The following LGR6 variants were observed in gnomAD, a reference collection of about 807,000 sequenced individuals.
LGR6 encodes the protein leucine-rich repeat-containing G protein-coupled receptor 6.
A neutral mutation model predicts 69.4 loss-of-function variants in LGR6; 45 were observed. The ratio of observed to expected loss-of-function variants is 0.65; its 90% confidence interval spans 0.51 to 0.83. LGR6 has a LOEUF of 0.83. Among genes scored for constraint, LGR6 ranks in the 40% least tolerant of loss-of-function variants. The pLI, the probability that LGR6 is intolerant of heterozygous loss-of-function variation, is 0.00. For missense variants in LGR6, 1,108 were observed against 1,246.7 expected, an observed-to-expected ratio of 0.89 and a Z score of 1.68; for synonymous variants, 538 against 555.0, an observed-to-expected ratio of 0.97 and a Z score of 0.43.
intron 4 of LGR6, among the ~76,000 whole-genome samples, chr1:202,248,827 C>T (rs1413161503): frequency 6.6e-6 from 1 of 152,160 alleles, no homozygotes; most frequent in African/African-American, 2.4e-5. Flanking sequence ...CAGAAGGTGT[C>T]CTGCCTTTAT....
Position 202,319,101 on chromosome 1 carries a change from A to G in LGR6, c.2798A>G (p.Asp933Gly), listed in dbSNP as rs771610096. The G allele has an allele frequency of 1.2e-6, 2 of 1,614,178 alleles. No homozygotes were observed. Among genetic ancestry groups the G allele is most frequent in the Non-Finnish European group, 8.5e-7 (1 of 1,180,004 alleles). The change falls in exon 18 of 18, where the codon GAT becomes GGT. Residue 933 changes from aspartate (D) to glycine (G), a missense_variant. Physicochemically the swap from Asp to Gly is moderately conservative, Grantham distance 94. Coordinates refer to ENST00000367278, the MANE Select transcript of LGR6 (RefSeq NM_001017403.2). ...NHFGNPQPSM[D>G]GELLLRAEGS... ...TTTGGGAACCCCCAACCCTCCATGGATGGAGAACTGCTGCTGAGGGCAGAG... is the reference window on the plus strand; with the variant it reads ...TTTGGGAACCCCCAACCCTCCATGGGTGGAGAACTGCTGCTGAGGGCAGAG...
chr1:202,239,818 T>G (rs1406453025), intron 4 of LGR6, among the ~76,000 whole-genome samples: 1 of 152,216 alleles, frequency 6.6e-6, no homozygotes, highest in Non-Finnish European at 1.5e-5. Context: ...ACTTACCCTC[T>G]GCGTTTCCAT....
chr1:202,236,016 T>A, intron 4 of LGR6, 23 bp downstream of exon 4: 1 of 1,606,082 alleles, frequency 6.2e-7, no homozygotes, highest in Non-Finnish European at 8.5e-7. Context: ...AGGGCTGGTC[T>A]GGGAGTCACC....
intron 6 of LGR6, among the ~76,000 whole-genome samples, chr1:202,283,960 C>T (rs531823664): frequency 1.3e-5 from 2 of 152,378 alleles, no homozygotes; most frequent in African/African-American, 4.8e-5. Flanking sequence ...TCACTTCCTT[C>T]ATCTGCACAA....
At chr1:202,277,574 C>T (rs1194048562) in intron 5 of LGR6, among the ~76,000 whole-genome samples, 1 of 152,052 alleles carries the variant, frequency 6.6e-6, no homozygotes, top group Non-Finnish European at 1.5e-5. Flanking sequence ...GATAAGATTA[C>T]TGGAGAAATA....
chr1:202,196,036 C>A (rs561186798), intron 1 of LGR6, among the ~76,000 whole-genome samples: 1 of 152,226 alleles, frequency 6.6e-6, no homozygotes, highest in South Asian at 2.1e-4. Flanking sequence ...CTGTGTCTTC[C>A]TGGGGATTGA....
intron 4 of LGR6, among the ~76,000 whole-genome samples, chr1:202,247,652 G>A (rs1220733515): frequency 6.6e-6 from 1 of 152,170 alleles, no homozygotes; most frequent in Non-Finnish European, 1.5e-5. Flanking sequence ...TAGACTTTGG[G>A]AAGAACATCC....
At chr1:202,270,006 A>C (rs1664960617) in intron 4 of LGR6, among the ~76,000 whole-genome samples, 1 of 152,170 alleles carries the variant, frequency 6.6e-6, no homozygotes, top group South Asian at 2.1e-4. Context: ...TATTTGACTA[A>C]GATCTGGTAG....
At chr1:202,205,633 C>T (rs1158237182) in intron 1 of LGR6, among the ~76,000 whole-genome samples, 1 of 142,046 alleles carries the variant, frequency 7.0e-6, no homozygotes, top group Non-Finnish European at 1.5e-5. Flanking sequence ...ACACATACAC[C>T]TCCTTCAAAC....
chr1:202,301,918 C>G (rs12727085), intron 9 of LGR6, among the ~76,000 whole-genome samples: 1 of 152,164 alleles, frequency 6.6e-6, no homozygotes, highest in Non-Finnish European at 1.5e-5. Context: ...ACTCAGGAGA[C>G]TGAGGCAGAG....
At chr1:202,282,045 C>T (rs1042861527) in intron 6 of LGR6, among the ~76,000 whole-genome samples, 1 of 152,210 alleles carries the variant, frequency 6.6e-6, no homozygotes, top group Non-Finnish European at 1.5e-5. Flanking sequence ...AGAAGTGTGG[C>T]TGCTTTCTTG....
intron 8 of LGR6, 60 bp from the exon 9 acceptor site, chr1:202,301,104 C>T: frequency 6.6e-7 from 1 of 1,517,596 alleles, no homozygotes; most frequent in South Asian, 1.1e-5. Context: ...AGAGATTGGC[C>T]TTAATCCCAG....
intron 8 of LGR6, 110 bp from the exon 9 acceptor site, chr1:202,301,054 C>A: frequency 7.5e-7 from 1 of 1,331,858 alleles, no homozygotes; most frequent in Non-Finnish European, 1.1e-6. Context: ...CCTTTCCCTG[C>A]ATGTTCTTTC....
intron 6 of LGR6, among the ~76,000 whole-genome samples, chr1:202,289,781 T>G (rs1666659283): frequency 6.6e-6 from 1 of 152,198 alleles, no homozygotes; most frequent in South Asian, 2.1e-4. Context: ...AATTAAGACA[T>G]GTATTCATTG....
At chr1:202,293,445 C>T (rs1666934309) in intron 6 of LGR6, among the ~76,000 whole-genome samples, 1 of 152,138 alleles carries the variant, frequency 6.6e-6, no homozygotes. Context: ...GTGTGCTCTC[C>T]ACAGTCATGT....
At chr1:202,307,195 T>C in intron 13 of LGR6, 135 bp from the exon 14 acceptor site, 1 of 856,172 alleles carries the variant, frequency 1.2e-6, no homozygotes, top group South Asian at 1.6e-5. Context: ...CAGCAGCAGG[T>C]ACCTTCCCCA....
intron 4 of LGR6, among the ~76,000 whole-genome samples, chr1:202,239,727 G>A (rs747523218): frequency 2.0e-5 from 3 of 152,138 alleles, no homozygotes; most frequent in Non-Finnish European, 2.9e-5. Flanking sequence ...ATGCCAGTGA[G>A]ACTCTGGAGT....
Position 202,207,189 on chromosome 1 carries a change from T to A in LGR6, c.212+12988T>A, listed in dbSNP as rs559870967. Among the ~76,000 whole-genome samples, 558 of 152,272 alleles carry A rather than the reference T, an allele frequency of 3.7e-3. 5 individuals carry two copies. The highest frequency in any genetic ancestry group is 0.012 in the African/African-American group (513 of 41,554). Reference sequence around the variant, plus strand: ...ACCTTGACCTCCCAAAGTGCTGGGATTACAGGTGTGAGCCACTGTGCCCGG... The same window carrying A: ...ACCTTGACCTCCCAAAGTGCTGGGAATACAGGTGTGAGCCACTGTGCCCGG... On this transcript the variant is annotated intron_variant, in intron 1 of 17. Transcript: ENST00000367278.
At chr1:202,282,003 C>T (rs777472800) in intron 6 of LGR6, among the ~76,000 whole-genome samples, 2 of 152,174 alleles carry the variant, frequency 1.3e-5, no homozygotes, top group African/African-American at 2.4e-5. Context: ...GAGACCCAAG[C>T]TCCACTCTTT....
Sources: allele counts gnomAD v4.1 joint callset (sites outside exome capture counted in the v4.1 genomes callset), GRCh38; gene constraint gnomAD v4.1.1; transcripts MANE v1.5; gene names NCBI Gene and HGNC (gene_info 2026-07-23, HGNC 2026-07-21).